PCDH9: variants seen among roughly 807,000 people sequenced by gnomAD.
PCDH9 encodes the protein protocadherin-9.
PCDH9 carries 24 observed loss-of-function variants against 70.6 expected under a neutral mutation model. The observed-to-expected ratio is 0.34, with a 90% CI of 0.25 to 0.48. The LOEUF (loss-of-function observed/expected upper bound fraction) is 0.48, where lower values mean the gene tolerates loss of function less well. Among genes scored for constraint, PCDH9 ranks in the 20% least tolerant of loss-of-function variants. PCDH9 has a pLI of 0.99. For synonymous variants in PCDH9, 562 were observed against 558.5 expected (o/e 1.01, Z -0.09); for missense variants, 1,281 against 1,503.6 (o/e 0.85, Z 2.45).
intron 3 of PCDH9, among the ~76,000 whole-genome samples, chr13:66,864,980 A>G (rs1335265099): frequency 3.3e-5 from 5 of 152,234 alleles, no homozygotes; most frequent in Non-Finnish European, 5.9e-5. Flanking sequence ...GGACAAATAC[A>G]AGAGAAAGAA....
chr13:67,164,140 C>G (rs2088041162), intron 2 of PCDH9, among the ~76,000 whole-genome samples: 1 of 152,282 alleles, frequency 6.6e-6, no homozygotes, highest in African/African-American at 2.4e-5. Flanking sequence ...TTCAAGTTTT[C>G]TGTTGTTCTA....
intron 3 of PCDH9, among the ~76,000 whole-genome samples, chr13:66,859,378 C>T (rs914624533): frequency 6.6e-6 from 1 of 152,110 alleles, no homozygotes; most frequent in African/African-American, 2.4e-5. Flanking sequence ...ACAAGAAGGG[C>T]CTTTTAAATG....
intron 3 of PCDH9, among the ~76,000 whole-genome samples, chr13:66,787,318 G>C (rs2080095098): frequency 1.3e-5 from 2 of 152,164 alleles, no homozygotes; most frequent in Middle Eastern, 3.4e-3. Flanking sequence ...TATATGTTAA[G>C]ATAACACTGA....
chr13:66,418,643 G>T (rs2138342130), intron 4 of PCDH9, among the ~76,000 whole-genome samples: 1 of 152,172 alleles, frequency 6.6e-6, no homozygotes, highest in South Asian at 2.1e-4. Context: ...AAGTGGGAAA[G>T]ATCTAAAATC....
At chr13:66,327,159 G>C (rs1955863344) in intron 4 of PCDH9, among the ~76,000 whole-genome samples, 1 of 152,120 alleles carries the variant, frequency 6.6e-6, no homozygotes, top group African/African-American at 2.4e-5. Flanking sequence ...AGAATGTATT[G>C]TGTGTTAGTT....
At chr13:67,184,768 G>T (rs746434533) in intron 2 of PCDH9, among the ~76,000 whole-genome samples, 2 of 151,956 alleles carry the variant, frequency 1.3e-5, no homozygotes, top group Non-Finnish European at 2.9e-5. Context: ...CTAAGGGCAG[G>T]GTGAGGGGTA....
chr13:67,218,797 G>T (rs2089663062), intron 2 of PCDH9: 1 of 151,962 alleles, frequency 6.6e-6, no homozygotes, highest in African/African-American at 2.4e-5. Flanking sequence ...AGTATAAAAT[G>T]ATAGAATCAA....
At chr13:67,224,410 C>T (rs2089801163) in intron 2 of PCDH9, 1 of 152,170 alleles carries the variant, frequency 6.6e-6, no homozygotes, top group African/African-American at 2.4e-5. Flanking sequence ...CTGGCCAGCA[C>T]AAGCGACATG....
At chr13:67,210,271 A>G (rs1593625512) in intron 2 of PCDH9, 1 of 152,156 alleles carries the variant, frequency 6.6e-6, no homozygotes. Flanking sequence ...AATTCAAGAG[A>G]AAAAAGTTAA....
rs990435810 is a variant in PCDH9 at position 66,608,623 on chromosome 13, C to A, written c.3340+22587G>T. Among the ~76,000 whole-genome samples, 5 of 151,876 alleles carry A rather than the reference C, an allele frequency of 3.3e-5. No homozygotes were observed. The East Asian group carries it at 7.8e-4, about 24-fold the overall frequency. Reference sequence around the variant, plus strand: ...GCAAAGGGAATAGACAGAGTTTGAACCTCACCCTAAAGGCTAATAGAAGAT... The same window carrying A: ...GCAAAGGGAATAGACAGAGTTTGAAACTCACCCTAAAGGCTAATAGAAGAT... On this transcript the variant is annotated intron_variant, in intron 4 of 4. Coordinates refer to ENST00000377865, the MANE Select transcript of PCDH9 (RefSeq NM_203487.3).
intron 2 of PCDH9, among the ~76,000 whole-genome samples, chr13:67,069,171 A>G (rs1406219545): frequency 6.6e-6 from 1 of 152,156 alleles, no homozygotes; most frequent in East Asian, 1.9e-4. Context: ...TTTTCATAAA[A>G]CTTTATCATA....
At chr13:66,699,945 A>G (rs2139103675) in intron 3 of PCDH9, among the ~76,000 whole-genome samples, 1 of 152,050 alleles carries the variant, frequency 6.6e-6, no homozygotes, top group Middle Eastern at 3.4e-3. Flanking sequence ...AAGGAACCAT[A>G]CTATGTAGTG....
intron 3 of PCDH9, among the ~76,000 whole-genome samples, chr13:66,785,499 T>C (rs2080065455): frequency 6.6e-6 from 1 of 152,042 alleles, no homozygotes; most frequent in Admixed American, 6.6e-5. Context: ...TTATTTTTAA[T>C]GTAAGAGAAG....
In PCDH9 at chr13:67,228,574, C is replaced by A. The variant is rs2089940137; in HGVS notation, c.-134G>T. On this transcript the variant is annotated splice_region_variant and 5_prime_UTR_variant, in exon 2 of 5. Coordinates refer to ENST00000377865, the MANE Select transcript of PCDH9 (RefSeq NM_203487.3). ...ATCTCATCACTTATTTGGAGACAGC[C>A]GCTGTCAACACAATTGTATAGACAA... The A allele has an allele frequency of 3.2e-6, 2 of 620,300 alleles. No homozygotes were observed. Among genetic ancestry groups the A allele is most frequent in the Non-Finnish European group, 2.7e-6 (1 of 369,616 alleles). 38.4% of individuals were successfully genotyped at this position (620,300 alleles called of 1,614,324 possible). A position where few individuals can be genotyped will look rare whatever the true frequency, so the allele number is the denominator to read the frequency against.
intron 4 of PCDH9, among the ~76,000 whole-genome samples, chr13:66,579,262 A>G (rs1235984472): frequency 6.6e-6 from 1 of 152,096 alleles, no homozygotes; most frequent in Non-Finnish European, 1.5e-5. Flanking sequence ...AAATATATAA[A>G]TCAAAATAAG....
chr13:66,836,273 T>A (rs1029722479), intron 3 of PCDH9, among the ~76,000 whole-genome samples: 4 of 152,198 alleles, frequency 2.6e-5, no homozygotes, highest in African/African-American at 9.6e-5. Context: ...CTCTCCCCAG[T>A]AGTTTAGGAT....
intron 4 of PCDH9, among the ~76,000 whole-genome samples, chr13:66,539,526 C>G (rs962053285): frequency 6.6e-6 from 1 of 152,072 alleles, no homozygotes; most frequent in African/African-American, 2.4e-5. Context: ...CTTCTGCTGC[C>G]ATAATATTGG....
At chr13:67,072,493 C>T (rs970719024) in intron 2 of PCDH9, among the ~76,000 whole-genome samples, 1 of 152,062 alleles carries the variant, frequency 6.6e-6, no homozygotes, top group African/African-American at 2.4e-5. Context: ...TCTGAAGACT[C>T]CCATGTCATT....
At chr13:66,771,451 C>T (rs117582570) in intron 3 of PCDH9, among the ~76,000 whole-genome samples, 353 of 152,002 alleles carry the variant, frequency 2.3e-3, no homozygotes, top group Non-Finnish European at 4.3e-3. Flanking sequence ...GGTTCCTGCC[C>T]TCCTGGATTT....
Sources: gnomAD v4.1 joint callset for allele counts (sites outside exome capture counted in the v4.1 genomes callset) on GRCh38, gnomAD v4.1.1 for gene constraint, MANE v1.5 for transcripts, NCBI Gene and HGNC (gene_info 2026-07-23, HGNC 2026-07-21) for gene names.